Variants in SERBP1 observed in about 807,000 individuals in gnomAD.
The protein encoded by SERBP1 is SERPINE1 mRNA-binding protein 1.
In SERBP1, 6 loss-of-function variants were observed where a neutral mutation model predicts 50.2. The ratio of observed to expected loss-of-function variants is 0.12; its 90% confidence interval spans 0.07 to 0.24. The LOEUF (loss-of-function observed/expected upper bound fraction) is 0.24. Ranked by LOEUF, SERBP1 falls within the 10% of genes least tolerant of loss-of-function variation. SERBP1 has a pLI of 1.00. For synonymous variants in SERBP1, 168 were observed against 182.8 expected, an observed-to-expected ratio of 0.92 and a Z score of 0.65; for missense variants, 346 against 524.9, an observed-to-expected ratio of 0.66 and a Z score of 3.33.
intron 5 of SERBP1, among the ~76,000 whole-genome samples, chr1:67,420,726 G>A (rs1348062253): frequency 6.6e-6 from 1 of 152,084 alleles, no homozygotes; most frequent in Non-Finnish European, 1.5e-5. Flanking sequence ...CAATAGCCGT[G>A]TTTCTACAAA....
At position 67,415,358 on chromosome 1, in the gene SERBP1, A is replaced by G; in HGVS notation, c.952-19T>C. 6.5e-7 allele frequency: 1 copy of G among 1,540,890 alleles called. No individual in the cohort carries two copies. The highest frequency in any genetic ancestry group is 8.7e-7 in the Non-Finnish European group (1 of 1,143,172). On this transcript the variant is annotated intron_variant, in intron 6 of 7. Transcript: ENST00000361219. ...CATGAGCCTAAAAATATAAGTGAAGATGATTGTGTTATTAGTAGAAAAGTA... is the reference window on the plus strand; with the variant it reads ...CATGAGCCTAAAAATATAAGTGAAGGTGATTGTGTTATTAGTAGAAAAGTA...
At chr1:67,419,970 C>T in intron 6 of SERBP1, 39 bp downstream of exon 6, 1 of 1,561,378 alleles carries the variant, frequency 6.4e-7, no homozygotes, top group Admixed American at 1.7e-5. Context: ...ATTCAAGTCA[C>T]ATCTGAACAT....
rs1249581140 is a variant in SERBP1 at position 67,430,039 on chromosome 1, C to A, written c.262G>T (p.Val88Leu). Residue 88 changes from valine (V) to leucine (L), a missense_variant, in exon 1 of 8, where the codon GTG (valine) becomes TTG (leucine). This residue lies in a region of SERBP1 where 257 missense variants were observed against 331.2 expected (regional missense o/e 0.78). Coordinates refer to ENST00000361219, the MANE Select transcript of SERBP1 (RefSeq NM_001018069.2). ...TGCGTCTCCTCTTTCTTGTCAACCACGCCAACGCTGGGGGGCAGCGGGTTC... is the reference window on the plus strand; with the variant it reads ...TGCGTCTCCTCTTTCTTGTCAACCAAGCCAACGCTGGGGGGCAGCGGGTTC... ...RKNPLPPSVG[V>L]VDKKEETQPP... is the part of the protein sequence containing the mutation. 4 of 1,613,210 alleles carry A rather than the reference C, an allele frequency of 2.5e-6. No homozygotes were observed. The African/African-American group carries it at 5.3e-5, about 22-fold the overall frequency.
intron 2 of SERBP1, 89 bp downstream of exon 2, chr1:67,426,046 C>A: frequency 9.2e-7 from 1 of 1,081,748 alleles, no homozygotes; most frequent in South Asian, 1.7e-5. Flanking sequence ...GCCCAGGAAG[C>A]AGAGGCTGCA....
intron 6 of SERBP1, among the ~76,000 whole-genome samples, chr1:67,416,117 A>C (rs1281760844): frequency 6.6e-6 from 1 of 150,776 alleles, no homozygotes; most frequent in Non-Finnish European, 1.5e-5. Flanking sequence ...GGCTCAAGCG[A>C]TCCTCCCACC....
At chr1:67,422,093 A>G (rs1048383121) in intron 5 of SERBP1, among the ~76,000 whole-genome samples, 1 of 152,118 alleles carries the variant, frequency 6.6e-6, no homozygotes, top group Non-Finnish European at 1.5e-5. Context: ...TCAAAACATC[A>G]CCCAATACCA....
intron 1 of SERBP1, among the ~76,000 whole-genome samples, chr1:67,427,513 G>A (rs1170695860): frequency 6.6e-6 from 1 of 152,174 alleles, no homozygotes; most frequent in Non-Finnish European, 1.5e-5. Context: ...GTTAACTGGA[G>A]CCAAACAGTA....
At chr1:67,419,000 C>T (rs1484398448) in intron 6 of SERBP1, among the ~76,000 whole-genome samples, 2 of 152,064 alleles carry the variant, frequency 1.3e-5, no homozygotes, top group African/African-American at 2.4e-5. Flanking sequence ...AACAGGAAGC[C>T]GCACTGAAAC....
chr1:67,430,205 C>G lies in SERBP1; in HGVS notation c.96G>C (p.Lys32Asn). 6.2e-7 allele frequency: 1 copy of G among 1,609,480 alleles called. No individual in the cohort carries two copies. The highest frequency in any genetic ancestry group is 2.2e-4 in the Middle Eastern group (1 of 4,484). ...CTTCTTTTTTCTTGTTCTCTGCTGC[C>G]TTCAGCACCTCGAAGGGGTCCGATT... ...DDESDPFEVL[K>N]AAENKKKEAG... The change falls in exon 1 of 8, where the codon AAG (lysine) becomes AAC (asparagine). Residue 32 changes from lysine to asparagine, a missense_variant. Lys to Asn is a moderately conservative substitution (Grantham distance 94). Coordinates refer to ENST00000361219, the MANE Select transcript of SERBP1 (RefSeq NM_001018069.2).
At chr1:67,429,453 C>A (rs1177792544) in intron 1 of SERBP1, 1 of 152,688 alleles carries the variant, frequency 6.5e-6, no homozygotes, top group Non-Finnish European at 1.5e-5. Context: ...TTACTCCACA[C>A]GTCTGATGGC....
rs745999617 is a variant in SERBP1, at chr1:67,424,908, T to C, written c.675A>G (p.Gly225=). Residue 225 remains glycine (G), a synonymous_variant, in exon 4 of 8, where the codon GGA becomes GGG. Transcript: ENST00000361219. The part of the protein sequence containing the change: ...KRGGSGSHNW[G]TVKDELTDLD... ...CCAACGTTAATTCGTCTTTGACAGT[T>C]CCCCAGTTGTGAGATCCGCTACCTC... The C allele has an allele frequency of 1.2e-6, 2 of 1,612,232 alleles. No individual in the cohort carries two copies. Among genetic ancestry groups the C allele is most frequent in the South Asian group, 1.1e-5 (1 of 90,988 alleles).
rs1666853258 is a variant in SERBP1, at chr1:67,411,798, A to G, written c.*1409T>C. ...AAATGACGTGACAAACAATTCTTAA[A>G]AATTTTTTAAAAATTCCTTCACTGT... On this transcript the variant is annotated 3_prime_UTR_variant, in exon 8 of 8. Transcript: ENST00000361219. The G allele has an allele frequency of 6.6e-6, 1 of 152,238 alleles. No individual in the cohort carries two copies. Among genetic ancestry groups the G allele is most frequent in the Non-Finnish European group, 1.5e-5 (1 of 68,026 alleles). 9.4% of individuals were successfully genotyped at this position (152,238 alleles called of 1,614,324 possible).
chr1:67,429,690 G>A (rs1159934965), intron 1 of SERBP1: 1 of 297,172 alleles, frequency 3.4e-6, no homozygotes, highest in Non-Finnish European at 6.2e-6. Flanking sequence ...GAAGGCAACA[G>A]CCTCCCAGGA....
At chr1:67,413,361 A>C in intron 7 of SERBP1, 98 bp from the exon 8 acceptor site, 2 of 1,168,200 alleles carry the variant, frequency 1.7e-6, no homozygotes, top group Non-Finnish European at 2.3e-6. Flanking sequence ...AAAAAATCTT[A>C]CTGTTGGCCA....
At position 67,411,782 on chromosome 1, in the gene SERBP1, GACAA is replaced by G. The variant is rs547243029; in HGVS notation, c.*1421_*1424del. On this transcript the variant is annotated 3_prime_UTR_variant, in exon 8 of 8. Transcript: ENST00000361219. ...GGTAGAACATTTCTAAAAATGACGT[GACAA>G]ACAATTCTTAAAAATTTTTTAAAAA... is the stretch of plus-strand genomic sequence containing the variant. 5.3e-5 allele frequency: 8 copies of G among 152,234 alleles called. No individual in the cohort carries two copies. The South Asian group carries it at 1.5e-3, about 28-fold the overall frequency. The allele number at this position is 152,234 out of a possible 1,614,324, so 9.4% of individuals were successfully genotyped here. A position where few individuals can be genotyped will look rare whatever the true frequency, so the allele number is the denominator to read the frequency against.
In SERBP1 at chr1:67,428,436, C is replaced by T. The variant is rs555709573; in HGVS notation, c.313+1552G>A. On this transcript the variant is annotated intron_variant, in intron 1 of 7. Coordinates refer to ENST00000361219, the MANE Select transcript of SERBP1 (RefSeq NM_001018069.2). ...ATTCAAAATGAGTGAACACATCTACCTGGTACACATTATTCGTCAGATTCA... is the reference window on the plus strand; with the variant it reads ...ATTCAAAATGAGTGAACACATCTACTTGGTACACATTATTCGTCAGATTCA... Among the ~76,000 whole-genome samples the T allele has an allele frequency of 6.6e-5, 10 of 152,282 alleles. No homozygotes were observed. The East Asian group carries it at 1.9e-3, about 29-fold the overall frequency.
intron 6 of SERBP1, among the ~76,000 whole-genome samples, chr1:67,416,843 GAATC>G (rs1218415143): frequency 2.0e-5 from 3 of 152,142 alleles, no homozygotes; most frequent in Admixed American, 6.5e-5. Context: ...CAGCAAATTA[GAATC>G]AATTATATAT....
At position 67,422,323 on chromosome 1, in the gene SERBP1, A is replaced by G. The variant is rs1448122688; in HGVS notation, c.773+1877T>C. On this transcript the variant is annotated intron_variant, in intron 5 of 7. Transcript: ENST00000361219. The stretch of plus-strand genomic sequence containing the variant: ...GAGGTCAGAGTTCGAGATCAGCCTG[A>G]CCAACATGGAGAAACCCATCTCTAC... Among the ~76,000 whole-genome samples, 9 of 151,444 alleles carry G rather than the reference A, an allele frequency of 5.9e-5. No homozygotes were observed. In the East Asian group the frequency reaches 1.8e-3, roughly 30 times the overall value.
Position 67,420,169 on chromosome 1 carries a change from T to C in SERBP1, c.791A>G (p.Glu264Gly). The C allele has an allele frequency of 1.2e-6, 2 of 1,609,670 alleles. No homozygotes were observed. Among genetic ancestry groups the C allele is most frequent in the East Asian group, 4.5e-5 (2 of 44,720 alleles). Residue 264 changes from glutamate to glycine, a missense_variant, in exon 6 of 8, where the codon GAG (glutamate) becomes GGG (glycine). Transcript: ENST00000361219. The stretch of plus-strand genomic sequence containing the variant: ...CTCTTTTGGACCCTCCTCTTTTACC[T>C]CTTCAACTTCATTCTCCCTGTGAAA... ...DTENKENEVE[E>G]VKEEGPKEMT... is the part of the protein sequence containing the mutation.
Sources: allele counts gnomAD v4.1 joint callset (sites outside exome capture counted in the v4.1 genomes callset), GRCh38; gene constraint gnomAD v4.1.1; regional missense constraint gnomAD v4.1.1; transcripts MANE v1.5; gene names NCBI Gene and HGNC (gene_info 2026-07-23, HGNC 2026-07-21).